The following CHSY1 variants were observed in gnomAD, a reference collection of about 807,000 sequenced individuals.
CHSY1 encodes N-acetylgalactosaminyl-proteoglycan 3-beta-glucuronosyltransferase 1.
CHSY1 carries 13 observed loss-of-function variants against 59.8 expected under a neutral mutation model. That is an observed-to-expected ratio of 0.22 (90% CI 0.14 to 0.35). The LOEUF (loss-of-function observed/expected upper bound fraction) is 0.35, where lower values mean the gene tolerates loss of function less well. CHSY1 is among the 10% of genes least tolerant of loss of function. CHSY1 has a pLI of 1.00. For synonymous variants in CHSY1, 459 were observed against 401.2 expected (o/e 1.14, Z -1.72); for missense variants, 947 against 1,030.6 (o/e 0.92, Z 1.11).
In CHSY1 at chr15:101,178,236, C is replaced by G. The variant is rs1274904818; in HGVS notation, c.1561G>C (p.Gly521Arg). 5 of 1,614,042 alleles carry G rather than the reference C, an allele frequency of 3.1e-6. No homozygotes were observed. The highest frequency in any genetic ancestry group is 4.2e-6 in the Non-Finnish European group (5 of 1,180,016). Residue 521 changes from glycine (G) to arginine (R), a missense_variant, in exon 3 of 3, where the codon GGG becomes CGG. This residue lies in a region of CHSY1 where 602 missense variants were observed against 676.9 expected (regional missense o/e 0.89). Transcript: ENST00000254190. ...LKKLVPFQLPGSKSEHKEPKD... is the reference protein window; with the variant it reads ...LKKLVPFQLPRSKSEHKEPKD... ...GGTTCTTTGTGCTCACTCTTCGACC[C>G]AGGGAGCTGAAAGGGGACGAGCTTC...
intron 2 of CHSY1, among the ~76,000 whole-genome samples, chr15:101,201,363 C>T (rs2038572580): frequency 6.6e-6 from 1 of 152,208 alleles, no homozygotes; most frequent in Admixed American, 6.5e-5. Flanking sequence ...GTTAAGGCAT[C>T]CTGGCAGGAG....
intron 2 of CHSY1, among the ~76,000 whole-genome samples, chr15:101,203,598 T>G (rs2038594368): frequency 6.6e-6 from 1 of 152,154 alleles, no homozygotes; most frequent in African/African-American, 2.4e-5. Context: ...TATTTCCCTA[T>G]AAGGTATTTA....
At chr15:101,238,839 C>A (rs1302244320) in intron 1 of CHSY1, among the ~76,000 whole-genome samples, 2 of 151,988 alleles carry the variant, frequency 1.3e-5, no homozygotes, top group Non-Finnish European at 2.9e-5. Context: ...AGGATATGCT[C>A]CTGAAGAAAA....
At position 101,251,208 on chromosome 15, in the gene CHSY1, G is replaced by C. The variant is rs1299567161; in HGVS notation, c.249C>G (p.Asp83Glu). Residue 83 changes from aspartate (D) to glutamate (E), a missense_variant, in exon 1 of 3, where the codon GAC becomes GAG. This residue lies in a region of CHSY1 where 232 missense variants were observed against 188.5 expected (regional missense o/e 1.23). Transcript: ENST00000254190. Reference protein sequence around the residue: ...PGSDPDGGPRDRNFLFVGVMT... With the variant: ...PGSDPDGGPRERNFLFVGVMT... ...TGACTCCCACGAAGAGAAAGTTCCT[G>C]TCGCGCGGGCCGCCATCTGGGTCCG... The C allele has an allele frequency of 1.9e-6, 3 of 1,596,910 alleles. No individual in the cohort carries two copies. The African/African-American group carries it at 4.0e-5, about 21-fold the overall frequency.
chr15:101,229,528 AT>A (rs751407292), intron 2 of CHSY1, among the ~76,000 whole-genome samples: 2 of 152,238 alleles, frequency 1.3e-5, no homozygotes, highest in African/African-American at 2.4e-5. Context: ...ATATAAACAT[AT>A]ATACATCCCA....
chr15:101,233,525 C>T (rs908585046), intron 2 of CHSY1, among the ~76,000 whole-genome samples: 4 of 152,152 alleles, frequency 2.6e-5, no homozygotes, highest in African/African-American at 9.7e-5. Flanking sequence ...AGAAATATTG[C>T]CAGCTGTATT....
At chr15:101,221,965 A>G (rs2038793075) in intron 2 of CHSY1, among the ~76,000 whole-genome samples, 1 of 152,234 alleles carries the variant, frequency 6.6e-6, no homozygotes, top group Non-Finnish European at 1.5e-5. Flanking sequence ...AGATGATGTC[A>G]GCAAGCCCGA....
At chr15:101,248,348 T>A (rs2039071470) in intron 1 of CHSY1, among the ~76,000 whole-genome samples, 1 of 152,178 alleles carries the variant, frequency 6.6e-6, no homozygotes, top group Admixed American at 6.5e-5. Flanking sequence ...GCTAAAATCG[T>A]CTTGTGCCAA....
chr15:101,194,543 T>C (rs767566172), intron 2 of CHSY1, among the ~76,000 whole-genome samples: 4 of 152,262 alleles, frequency 2.6e-5, no homozygotes, highest in Non-Finnish European at 5.9e-5. Context: ...CCTTGTTCTC[T>C]ACTTGGTATT....
At chr15:101,190,837 T>A (rs545174758) in intron 2 of CHSY1, among the ~76,000 whole-genome samples, 14 of 152,272 alleles carry the variant, frequency 9.2e-5, no homozygotes, top group Admixed American at 7.8e-4. Context: ...CATGTGAAAG[T>A]CATCATATGT....
chr15:101,238,672 T>G (rs2038971732), intron 1 of CHSY1, among the ~76,000 whole-genome samples: 1 of 152,254 alleles, frequency 6.6e-6, no homozygotes, highest in Non-Finnish European at 1.5e-5. Context: ...TGTTTTCCCT[T>G]AGTGCCTATG....
At position 101,176,688 on chromosome 15, in the gene CHSY1, C is replaced by T. The variant is rs1219587061; in HGVS notation, c.*700G>A. 4 of 297,864 alleles carry T rather than the reference C, an allele frequency of 1.3e-5. No individual in the cohort carries two copies. The highest frequency in any genetic ancestry group is 1.6e-4 in the South Asian group (1 of 6,100). 18.5% of individuals were successfully genotyped at this position (297,864 alleles called of 1,614,324 possible). A position where few individuals can be genotyped will look rare whatever the true frequency, so the allele number is the denominator to read the frequency against. On this transcript the variant is annotated 3_prime_UTR_variant, in exon 3 of 3. Coordinates refer to ENST00000254190, the MANE Select transcript of CHSY1 (RefSeq NM_014918.5). Reference sequence around the variant, plus strand: ...GTGTGTGCCTGTAATCCCAGCTACTCGGGAGGCAAAGGCAGGGGAATTGCT... The same window carrying T: ...GTGTGTGCCTGTAATCCCAGCTACTTGGGAGGCAAAGGCAGGGGAATTGCT...
At chr15:101,216,558 G>A (rs991533500) in intron 2 of CHSY1, among the ~76,000 whole-genome samples, 10 of 152,306 alleles carry the variant, frequency 6.6e-5, no homozygotes, top group African/African-American at 2.4e-4. Context: ...AGAGAAGTGA[G>A]CCATCAAGCC....
chr15:101,239,586 C>T (rs1217943643), intron 1 of CHSY1, among the ~76,000 whole-genome samples: 1 of 152,124 alleles, frequency 6.6e-6, no homozygotes, highest in Non-Finnish European at 1.5e-5. Flanking sequence ...GTAAGTATGA[C>T]TTATTATTAA....
chr15:101,218,099 G>A lies in CHSY1; in HGVS notation c.816+16983C>T, dbSNP rs142962083. On this transcript the variant is annotated intron_variant, in intron 2 of 2. Coordinates refer to ENST00000254190, the MANE Select transcript of CHSY1 (RefSeq NM_014918.5). ...TGTGAGAAAAACATCAGACAAATCC[G>A]AATAGAGGAAAATTTTACAAAATAC... 9.1e-4 allele frequency among the ~76,000 whole-genome samples: 138 copies of A among 152,152 alleles called. 3 individuals are homozygous for A. The East Asian group carries it at 0.025, about 27-fold the overall frequency.
intron 2 of CHSY1, among the ~76,000 whole-genome samples, chr15:101,183,873 G>C (rs2038315093): frequency 1.3e-5 from 2 of 152,240 alleles, no homozygotes; most frequent in South Asian, 4.1e-4. Flanking sequence ...GATGATGACA[G>C]ACACGATATG....
intron 2 of CHSY1, among the ~76,000 whole-genome samples, chr15:101,204,992 T>G (rs1226047346): frequency 6.6e-6 from 1 of 152,190 alleles, no homozygotes; most frequent in East Asian, 1.9e-4. Flanking sequence ...TTCGCAATAC[T>G]ACATACTCTA....
intron 2 of CHSY1, among the ~76,000 whole-genome samples, chr15:101,197,428 AC>A (rs1250937923): frequency 6.6e-6 from 1 of 152,196 alleles, no homozygotes; most frequent in East Asian, 1.9e-4. Flanking sequence ...GCCATATAAC[AC>A]AAATTTAAAG....
intron 2 of CHSY1, among the ~76,000 whole-genome samples, chr15:101,233,134 G>A (rs2038907528): frequency 6.6e-6 from 1 of 152,128 alleles, no homozygotes; most frequent in South Asian, 2.1e-4. Context: ...GCACCCCTTC[G>A]CAGGCCATCA....
Sources: allele counts gnomAD v4.1 joint callset (sites outside exome capture counted in the v4.1 genomes callset), GRCh38; gene constraint gnomAD v4.1.1; regional missense constraint gnomAD v4.1.1; transcripts MANE v1.5; gene names NCBI Gene and HGNC (gene_info 2026-07-23, HGNC 2026-07-21).